ANOS1: variants seen among roughly 807,000 people sequenced by gnomAD.
ANOS1 encodes the protein anosmin 1.
Under a neutral mutation model 59.0 loss-of-function variants are expected in ANOS1, and 6 were observed. That is an observed-to-expected ratio of 0.10 (90% CI 0.06 to 0.20). ANOS1 has a LOEUF of 0.20. Among genes scored for constraint, ANOS1 ranks in the 10% least tolerant of loss-of-function variants. The pLI is 1.00. For missense variants in ANOS1, 433 were observed against 542.3 expected, an observed-to-expected ratio of 0.80 and a Z score of 2.00; for synonymous variants, 217 against 223.4, an observed-to-expected ratio of 0.97 and a Z score of 0.25.
intron 3 of ANOS1, among the ~76,000 whole-genome samples, chrX:8,608,763 G>A (rs187741630): frequency 6.7e-4 from 75 of 111,581 alleles, no homozygotes; most frequent in African/African-American, 2.4e-3. Flanking sequence ...TTGTGATAGT[G>A]AGTGAGTTCT....
intron 1 of ANOS1, among the ~76,000 whole-genome samples, chrX:8,711,913 C>T (rs370909535): frequency 1.8e-5 from 2 of 112,897 alleles, no homozygotes; most frequent in Admixed American, 1.9e-4. Context: ...CAAGGTCACA[C>T]TAAATTAGAT....
intron 2 of ANOS1, among the ~76,000 whole-genome samples, chrX:8,697,965 A>C (rs1932708603): frequency 8.9e-6 from 1 of 112,206 alleles, no homozygotes; most frequent in Non-Finnish European, 1.9e-5. Flanking sequence ...CATGAATCCC[A>C]AAAGAAATGC....
chrX:8,567,802 C>CAAACAAAACA (rs751853043), intron 8 of ANOS1, among the ~76,000 whole-genome samples: 27 of 110,765 alleles, frequency 2.4e-4, no homozygotes, highest in African/African-American at 8.6e-4. Context: ...TCAAAAATAC[C>CAAACAAAACA]AAACAAAACA....
At chrX:8,618,909 T>C in intron 3 of ANOS1, among the ~76,000 whole-genome samples, 1 of 108,008 alleles carries the variant, frequency 9.3e-6, no homozygotes, top group Non-Finnish European at 1.9e-5. Flanking sequence ...CCATCTCTAC[T>C]AAAAATACAA....
At chrX:8,717,465 T>C (rs1270106580) in intron 1 of ANOS1, among the ~76,000 whole-genome samples, 1 of 110,881 alleles carries the variant, frequency 9.0e-6, no homozygotes, top group East Asian at 2.8e-4. Flanking sequence ...TAACTCCGGA[T>C]ACAAAAATGT....
intron 2 of ANOS1, among the ~76,000 whole-genome samples, chrX:8,650,757 C>T (rs1931838519): frequency 9.0e-6 from 1 of 111,722 alleles, no homozygotes; most frequent in Admixed American, 9.5e-5. Context: ...AATGAATTAT[C>T]GCCCACAGGA....
Position 8,587,593 on chromosome X carries a change from T to C in ANOS1, c.726+201A>G, listed in dbSNP as rs190541172. Among the ~76,000 whole-genome samples the C allele has an allele frequency of 5.4e-4, 61 of 112,048 alleles. 1 individual carries two copies. Among genetic ancestry groups the C allele is most frequent in the Admixed American group, 5.2e-3 (55 of 10,547 alleles). ...TGTGTATTTGAACAAATTAAGCCAA[T>C]GGTCGAGTTTCCGAGCACATTCGTT... On this transcript the variant is annotated intron_variant, in intron 5 of 13. Coordinates refer to ENST00000262648, the MANE Select transcript of ANOS1 (RefSeq NM_000216.4).
intron 2 of ANOS1, among the ~76,000 whole-genome samples, chrX:8,693,757 T>TC (rs1194725282): frequency 9.7e-6 from 1 of 102,667 alleles, no homozygotes; most frequent in Non-Finnish European, 2.0e-5. Context: ...TTTTTTTTTT[T>TC]AGACAGAGTC....
chrX:8,679,848 A>G (rs1349613787), intron 2 of ANOS1, among the ~76,000 whole-genome samples: 2 of 111,349 alleles, frequency 1.8e-5, no homozygotes, highest in Non-Finnish European at 3.8e-5. Context: ...GGGTCCATAA[A>G]CCACACTTTG....
intron 1 of ANOS1, among the ~76,000 whole-genome samples, chrX:8,731,025 G>T (rs907136871): frequency 8.9e-6 from 1 of 111,750 alleles, no homozygotes; most frequent in African/African-American, 3.3e-5. Flanking sequence ...AAGCGCGCGC[G>T]CACACACACA....
chrX:8,610,208 C>T (rs1931030372), intron 3 of ANOS1, among the ~76,000 whole-genome samples: 1 of 110,067 alleles, frequency 9.1e-6, no homozygotes. Context: ...GGAAACAAAG[C>T]TTATATGTTT....
chrX:8,610,519 T>C (rs1046228254), intron 3 of ANOS1, among the ~76,000 whole-genome samples: 1 of 111,994 alleles, frequency 8.9e-6, no homozygotes, highest in African/African-American at 3.2e-5. Flanking sequence ...TGAAACTGCA[T>C]GAAGAGAGAA....
intron 2 of ANOS1, among the ~76,000 whole-genome samples, chrX:8,649,924 TG>T (rs1931823406): frequency 8.9e-6 from 1 of 112,702 alleles, no homozygotes; most frequent in South Asian, 3.6e-4. Flanking sequence ...TGTGTTCACA[TG>T]CAAATTATAA....
intron 9 of ANOS1, among the ~76,000 whole-genome samples, chrX:8,550,625 A>C (rs1929841143): frequency 8.9e-6 from 1 of 111,838 alleles, no homozygotes; most frequent in Non-Finnish European, 1.9e-5. Context: ...TATTGTCACA[A>C]CATTGCAAAA....
At chrX:8,705,688 C>G (rs370516605) in intron 1 of ANOS1, among the ~76,000 whole-genome samples, 6 of 112,071 alleles carry the variant, frequency 5.4e-5, no homozygotes, top group Admixed American at 2.9e-4. Context: ...ATTTCAATAC[C>G]CTGCCCCAGC....
rs1167619551 is a variant in ANOS1 at position 8,559,754 on chromosome X, T to C, written c.1208-5656A>G. Among the ~76,000 whole-genome samples, 3 of 112,000 alleles carry C rather than the reference T, an allele frequency of 2.7e-5. No individual in the cohort carries two copies. The East Asian group carries it at 8.4e-4, about 31-fold the overall frequency. On this transcript the variant is annotated intron_variant, in intron 8 of 13. Coordinates refer to ENST00000262648, the MANE Select transcript of ANOS1 (RefSeq NM_000216.4). ...TCAACCTTCTTTGCCCATGAAAACT[T>C]CTCAGAGGCTCTCCCTGGTGAAGAT...
intron 3 of ANOS1, among the ~76,000 whole-genome samples, chrX:8,619,648 A>G (rs773740481): frequency 2.3e-4 from 26 of 112,289 alleles, no homozygotes; most frequent in African/African-American, 7.8e-4. Context: ...TACCTCTGAC[A>G]TTAGCCTAAA....
At chrX:8,667,582 G>A (rs188789621) in intron 2 of ANOS1, among the ~76,000 whole-genome samples, 16 of 111,843 alleles carry the variant, frequency 1.4e-4, no homozygotes, top group South Asian at 3.8e-4. Context: ...ACTGTGGGCC[G>A]GGGCTTGCAC....
At chrX:8,725,094 T>C (rs1932901195) in intron 1 of ANOS1, among the ~76,000 whole-genome samples, 1 of 111,907 alleles carries the variant, frequency 8.9e-6, no homozygotes, top group African/African-American at 3.3e-5. Context: ...CACAAGGCAC[T>C]GCAAAGAGAC....
Sources: gnomAD v4.1 joint callset for allele counts (sites outside exome capture counted in the v4.1 genomes callset) on GRCh38, gnomAD v4.1.1 for gene constraint, MANE v1.5 for transcripts, NCBI Gene and HGNC (gene_info 2026-07-23, HGNC 2026-07-21) for gene names.